EYA1: variants seen among roughly 807,000 people sequenced by gnomAD.
EYA1 encodes the protein EYA transcriptional coactivator and phosphatase 1.
EYA1 carries 16 observed loss-of-function variants against 82.0 expected under a neutral mutation model. The ratio of observed to expected loss-of-function variants is 0.20; its 90% confidence interval spans 0.13 to 0.30. The LOEUF is 0.30. Among genes scored for constraint, EYA1 ranks in the 10% least tolerant of loss-of-function variants. The pLI, the probability that EYA1 is intolerant of heterozygous loss-of-function variation, is 1.00. For synonymous variants in EYA1, 261 were observed against 264.4 expected (o/e 0.99, Z 0.12); for missense variants, 633 against 730.7 (o/e 0.87, Z 1.54).
intron 2 of EYA1, among the ~76,000 whole-genome samples, chr8:71,499,357 A>G (rs954905782): frequency 1.3e-5 from 2 of 152,206 alleles, no homozygotes; most frequent in African/African-American, 4.8e-5. Flanking sequence ...ATATTTTCGT[A>G]AATGCCTGAA....
intron 2 of EYA1, among the ~76,000 whole-genome samples, chr8:71,475,270 G>A (rs1159471192): frequency 2.0e-5 from 3 of 152,106 alleles, no homozygotes; most frequent in Admixed American, 6.5e-5. Flanking sequence ...ATAAATATAC[G>A]TGCATGAAAA....
At position 71,425,034 on chromosome 8, in the gene EYA1, G is replaced by A. The variant is rs538108048; in HGVS notation, c.34-68523C>T. The stretch of plus-strand genomic sequence containing the variant: ...CCAGCACTTTGGGAGGCCGAGACGG[G>A]CGGATCACGAGGTCAGGAGATCGAG... On this transcript the variant is annotated intron_variant, in intron 2 of 18. Coordinates refer to the EYA1 transcript ENST00000643681. Among the ~76,000 whole-genome samples the A allele has an allele frequency of 4.0e-5, 6 of 150,686 alleles. No individual in the cohort carries two copies. The East Asian group carries it at 9.8e-4, about 25-fold the overall frequency.
At chr8:71,421,537 C>T (rs1266786114) in intron 2 of EYA1, among the ~76,000 whole-genome samples, 1 of 152,084 alleles carries the variant, frequency 6.6e-6, no homozygotes, top group Non-Finnish European at 1.5e-5. Flanking sequence ...TAGGATTTTT[C>T]AAAACTTACA....
Position 71,322,199 on chromosome 8 carries a change from T to C in EYA1, c.272A>G (p.Asn91Ser). The change falls in exon 5 of 18, where the codon AAC (asparagine) becomes AGC (serine). Residue 91 changes from asparagine (N) to serine (S), a missense_variant and splice_region_variant. Coordinates refer to ENST00000340726, the MANE Select transcript of EYA1 (RefSeq NM_000503.6). Reference protein sequence around the residue: ...QFSPPQIYPSNRPYPHILPTP... With the variant: ...QFSPPQIYPSSRPYPHILPTP... The stretch of plus-strand genomic sequence containing the variant: ...TTGATTAAGAGAAAATACATCTTAC[T>C]TGGAAGGGTAAATCTGTGGTGGAGA... The C allele has an allele frequency of 1.9e-6, 3 of 1,612,180 alleles. No individual in the cohort carries two copies. The highest frequency in any genetic ancestry group is 2.5e-6 in the Non-Finnish European group (3 of 1,178,232).
intron 2 of EYA1, among the ~76,000 whole-genome samples, chr8:71,424,164 C>T (rs1434435015): frequency 6.6e-6 from 1 of 152,154 alleles, no homozygotes; most frequent in Admixed American, 6.5e-5. Flanking sequence ...ATACCAGGCA[C>T]AAGCATTTTT....
rs112036424 is a variant in EYA1 at position 71,479,417 on chromosome 8, A to G, written c.33+56327T>C. On this transcript the variant is annotated intron_variant, in intron 2 of 18. Transcript: ENST00000643681. Reference sequence around the variant, plus strand: ...CTGCTCTAATTTTCTTTCTCTTTCCACATTCCATTTTAACATGCTATGTAA... The same window carrying G: ...CTGCTCTAATTTTCTTTCTCTTTCCGCATTCCATTTTAACATGCTATGTAA... 1.8e-3 allele frequency among the ~76,000 whole-genome samples: 270 copies of G among 152,008 alleles called. 2 individuals carry two copies. Among genetic ancestry groups the G allele is most frequent in the African/African-American group, 6.2e-3 (259 of 41,462 alleles).
At chr8:71,347,120 G>T (rs1825816120) in intron 3 of EYA1, among the ~76,000 whole-genome samples, 1 of 152,142 alleles carries the variant, frequency 6.6e-6, no homozygotes, top group African/African-American at 2.4e-5. Context: ...ATTTCAGCAA[G>T]AACTCAGCTT....
intron 11 of EYA1, among the ~76,000 whole-genome samples, chr8:71,255,497 A>G (rs1814297258): frequency 6.6e-6 from 1 of 152,212 alleles, no homozygotes; most frequent in South Asian, 2.1e-4. Context: ...CAATGAGGAA[A>G]TAATAGTCTT....
Position 71,299,732 on chromosome 8 carries a change from T to C in EYA1, c.557-12A>G, listed in dbSNP as rs373445545. 1.3e-4 allele frequency: 172 copies of C among 1,320,690 alleles called. No individual in the cohort carries two copies. The highest frequency in any genetic ancestry group is 1.7e-4 in the Non-Finnish European group (153 of 915,034). The allele number at this position is 1,320,690 out of a possible 1,614,324, so 81.8% of individuals were successfully genotyped here. On this transcript the variant is annotated splice_polypyrimidine_tract_variant and intron_variant, in intron 7 of 17. Coordinates refer to ENST00000340726, the MANE Select transcript of EYA1 (RefSeq NM_000503.6). ...TGTAAAACTGCTACCTAAAACAAAATGAAAAGAAATACGATTATACCAGGC... is the reference window on the plus strand; with the variant it reads ...TGTAAAACTGCTACCTAAAACAAAACGAAAAGAAATACGATTATACCAGGC...
At chr8:71,528,238 C>T (rs1202235018) in intron 2 of EYA1, among the ~76,000 whole-genome samples, 1 of 152,122 alleles carries the variant, frequency 6.6e-6, no homozygotes, top group Non-Finnish European at 1.5e-5. Flanking sequence ...TGTCACACTC[C>T]ATCTGTTTGG....
Position 71,514,773 on chromosome 8 carries a change from A to T in EYA1, c.33+20971T>A, listed in dbSNP as rs180952787. On this transcript the variant is annotated intron_variant, in intron 2 of 18. Transcript: ENST00000643681. ...TCTGAGAGATACAATTCAAGTTGCG[A>T]TTTGGGTGGGTACACGGCCAAACCA... Among the ~76,000 whole-genome samples, 4 of 152,280 alleles carry T rather than the reference A, an allele frequency of 2.6e-5. No homozygotes were observed. In the East Asian group the frequency reaches 7.7e-4, roughly 29 times the overall value.
intron 9 of EYA1, among the ~76,000 whole-genome samples, chr8:71,297,842 T>G (rs1460243641): frequency 6.6e-6 from 1 of 152,134 alleles, no homozygotes; most frequent in Non-Finnish European, 1.5e-5. Flanking sequence ...GTAAACTGAA[T>G]GAGGAATCAG....
chr8:71,362,421 A>G (rs1181755244), upstream of EYA1, among the ~76,000 whole-genome samples: 1 of 152,018 alleles, frequency 6.6e-6, no homozygotes, highest in African/African-American at 2.4e-5. Context: ...ATCTTTGGGG[A>G]GTAGTTACAC....
chr8:71,255,061 C>G (rs569839713), intron 11 of EYA1, among the ~76,000 whole-genome samples: 2 of 151,924 alleles, frequency 1.3e-5, no homozygotes, highest in Admixed American at 1.3e-4. Flanking sequence ...AACACTTGTA[C>G]GCTGAAAAAT....
intron 2 of EYA1, among the ~76,000 whole-genome samples, chr8:71,418,725 T>C (rs1830987151): frequency 6.6e-6 from 1 of 152,190 alleles, no homozygotes; most frequent in Non-Finnish European, 1.5e-5. Context: ...GGGGATCTTC[T>C]GGCAGGAGAG....
At chr8:71,503,018 C>T (rs1176566762) in intron 2 of EYA1, among the ~76,000 whole-genome samples, 5 of 152,114 alleles carry the variant, frequency 3.3e-5, no homozygotes, top group East Asian at 1.9e-4. Context: ...CTTCATTATA[C>T]GTATGATACT....
intron 9 of EYA1, among the ~76,000 whole-genome samples, chr8:71,298,252 A>G (rs928300662): frequency 7.2e-5 from 11 of 152,182 alleles, no homozygotes; most frequent in African/African-American, 2.7e-4. Context: ...TTAGCTCTGG[A>G]AACAGGCAAG....
intron 3 of EYA1, among the ~76,000 whole-genome samples, chr8:71,350,933 C>T (rs1166027565): frequency 6.6e-6 from 1 of 152,166 alleles, no homozygotes; most frequent in Non-Finnish European, 1.5e-5. Context: ...CTGAATCCTT[C>T]GAAAGAACCT....
chr8:71,311,942 T>C (rs1821386057), intron 7 of EYA1, among the ~76,000 whole-genome samples: 1 of 152,096 alleles, frequency 6.6e-6, no homozygotes, highest in Non-Finnish European at 1.5e-5. Context: ...AGGACAGAAG[T>C]GTTGAAAGTT....
Sources: allele counts gnomAD v4.1 joint callset (sites outside exome capture counted in the v4.1 genomes callset), GRCh38; gene constraint gnomAD v4.1.1; transcripts MANE v1.5; gene names NCBI Gene and HGNC (gene_info 2026-07-23, HGNC 2026-07-21).